Variants in STAU1 observed in about 807,000 individuals in gnomAD.
STAU1 encodes the protein double-stranded RNA-binding protein Staufen homolog 1.
STAU1 carries 13 observed loss-of-function variants against 62.9 expected under a neutral mutation model. That is an observed-to-expected ratio of 0.21 (90% CI 0.13 to 0.33). The LOEUF (loss-of-function observed/expected upper bound fraction) is 0.33. Among genes scored for constraint, STAU1 ranks in the 10% least tolerant of loss-of-function variants. The pLI, the probability that STAU1 is intolerant of heterozygous loss-of-function variation, is 1.00. For missense variants in STAU1, 571 were observed against 712.1 expected, an observed-to-expected ratio of 0.80 and a Z score of 2.25; for synonymous variants, 269 against 265.1, an observed-to-expected ratio of 1.01 and a Z score of -0.14.
chr20:49,154,121 TACTC>T (rs752768836), intron 3 of STAU1, 50 bp from the exon 4 acceptor site: 288 of 1,537,486 alleles, frequency 1.9e-4, no homozygotes, highest in Non-Finnish European at 2.3e-4. Context: ...ATGAGAATGA[TACTC>T]ACTAAAATAA....
intron 1 of STAU1, among the ~76,000 whole-genome samples, chr20:49,181,075 A>G (rs1406389559): frequency 6.6e-6 from 1 of 152,220 alleles, no homozygotes; most frequent in African/African-American, 2.4e-5. Flanking sequence ...TCGGAAGCGC[A>G]TCAGCATCCT....
At chr20:49,142,173 G>C (rs1029007470) in intron 5 of STAU1, among the ~76,000 whole-genome samples, 1 of 152,024 alleles carries the variant, frequency 6.6e-6, no homozygotes, top group African/African-American at 2.4e-5. Flanking sequence ...TGCAACCTCC[G>C]CCTCCTGGGT....
At chr20:49,182,887 G>A (rs981940311) in intron 1 of STAU1, among the ~76,000 whole-genome samples, 6 of 151,776 alleles carry the variant, frequency 4.0e-5, no homozygotes, top group African/African-American at 9.7e-5. Context: ...ATGAAACAGG[G>A]AGGCAAAAAT....
At position 49,117,038 on chromosome 20, in the gene STAU1, A is replaced by C. The variant is rs1003758150; in HGVS notation, c.1632+88T>G. Reference sequence around the variant, plus strand: ...AGGTCTATGGGACAATCTTTCTCCCATCTTCCTCAGGCTAGTAACAAGCTG... The same window carrying C: ...AGGTCTATGGGACAATCTTTCTCCCCTCTTCCTCAGGCTAGTAACAAGCTG... On this transcript the variant is annotated intron_variant, in intron 12 of 13. Coordinates refer to ENST00000371856, the MANE Select transcript of STAU1 (RefSeq NM_017453.4). This position sits in a 1 kb window ranked among gnomAD's most constrained non-coding sequence, Gnocchi z 4.6. 1.3e-6 allele frequency: 2 copies of C among 1,529,970 alleles called. No individual in the cohort carries two copies. Among genetic ancestry groups the C allele is most frequent in the Admixed American group, 1.9e-5 (1 of 52,194 alleles). 94.8% of individuals were successfully genotyped at this position (1,529,970 alleles called of 1,614,324 possible). A position where few individuals can be genotyped will look rare whatever the true frequency, so the allele number is the denominator to read the frequency against.
chr20:49,144,362 T>C (rs145014938), intron 5 of STAU1, among the ~76,000 whole-genome samples: 8 of 152,284 alleles, frequency 5.3e-5, no homozygotes, highest in African/African-American at 1.9e-4. Context: ...GTCCTTTCTG[T>C]TGAATGACTA....
intron 9 of STAU1, among the ~76,000 whole-genome samples, 163 bp from the exon 10 acceptor site, chr20:49,118,571 G>A (rs2092387496): frequency 6.6e-6 from 1 of 152,136 alleles, no homozygotes; most frequent in Non-Finnish European, 1.5e-5. Context: ...ACAGACACCT[G>A]GGCAGAGCCT....
At chr20:49,192,899 A>C (rs2093833013), upstream of STAU1, among the ~76,000 whole-genome samples, 1 of 152,218 alleles carries the variant, frequency 6.6e-6, no homozygotes, top group African/African-American at 2.4e-5. Flanking sequence ...AGTCTTATGG[A>C]AAAATTAATA....
At chr20:49,151,804 C>CT in intron 4 of STAU1, 57 bp from the exon 5 acceptor site, 1 of 1,466,882 alleles carries the variant, frequency 6.8e-7, no homozygotes, top group Non-Finnish European at 9.2e-7. Flanking sequence ...GTCACCTATA[C>CT]ACTCTCTGGC....
the STAU1 span, among the ~76,000 whole-genome samples, chr20:49,196,809 C>G: frequency 6.7e-6 from 1 of 149,326 alleles, no homozygotes; most frequent in Non-Finnish European, 1.5e-5. Context: ...GAAACAGCAA[C>G]GTGAATTCAA....
At chr20:49,148,297 A>G (rs1455461289) in intron 5 of STAU1, among the ~76,000 whole-genome samples, 1 of 152,216 alleles carries the variant, frequency 6.6e-6, no homozygotes, top group Non-Finnish European at 1.5e-5. Flanking sequence ...CAGTCAAAAC[A>G]GTTTATTCAA....
At chr20:49,214,144 A>G in the STAU1 span, among the ~76,000 whole-genome samples, 2 of 152,174 alleles carry the variant, frequency 1.3e-5, no homozygotes, top group Non-Finnish European at 1.5e-5. Context: ...CCCAGGAGGC[A>G]GAGGTTGCAA....
intron 1 of STAU1, among the ~76,000 whole-genome samples, chr20:49,187,135 A>C (rs2093797803): frequency 6.6e-6 from 1 of 152,214 alleles, no homozygotes; most frequent in Non-Finnish European, 1.5e-5. Flanking sequence ...CAAGTGCTCT[A>C]GATAGGTTTG....
At chr20:49,198,613 T>G in the STAU1 span, among the ~76,000 whole-genome samples, 1 of 151,892 alleles carries the variant, frequency 6.6e-6, no homozygotes, top group African/African-American at 2.4e-5. Flanking sequence ...ACAGATCACT[T>G]GAGGTCACTA....
At chr20:49,159,009 ACT>A (rs1441669454) in intron 3 of STAU1, 1 of 1,291,102 alleles carries the variant, frequency 7.7e-7, no homozygotes, top group Non-Finnish European at 1.0e-6. Context: ...CCATCAGGCT[ACT>A]CATTTAAGTA....
chr20:49,165,140 G>A (rs1326732006), intron 3 of STAU1, among the ~76,000 whole-genome samples: 1 of 152,042 alleles, frequency 6.6e-6, no homozygotes, highest in African/African-American at 2.4e-5. Context: ...TGCCTCCTGG[G>A]TTCAAGTGAT....
intron 2 of STAU1, among the ~76,000 whole-genome samples, chr20:49,167,891 T>C (rs1489266668): frequency 6.6e-6 from 1 of 152,112 alleles, no homozygotes; most frequent in Non-Finnish European, 1.5e-5. Context: ...AAAAATGAGC[T>C]AGGAGTAAAG....
At chr20:49,209,154 C>G in the STAU1 span, among the ~76,000 whole-genome samples, 1 of 151,114 alleles carries the variant, frequency 6.6e-6, no homozygotes. Context: ...AGAGTGGTGT[C>G]GAACTCCTTG....
chr20:49,144,713 C>T (rs2093087237), intron 5 of STAU1, among the ~76,000 whole-genome samples: 1 of 152,058 alleles, frequency 6.6e-6, no homozygotes, highest in African/African-American at 2.4e-5. Flanking sequence ...TTTTTTTAAC[C>T]TCTTGGAAGA....
At chr20:49,158,619 G>C in intron 3 of STAU1, 1 of 735,578 alleles carries the variant, frequency 1.4e-6, no homozygotes, top group Non-Finnish European at 2.0e-6. Context: ...AGACCAGCCT[G>C]GCCTACATAG....
Sources: gnomAD v4.1 joint callset for allele counts (sites outside exome capture counted in the v4.1 genomes callset) on GRCh38, gnomAD v4.1.1 for gene constraint, Gnocchi (gnomAD v3.1) non-coding constraint, MANE v1.5 for transcripts, NCBI Gene and HGNC (gene_info 2026-07-23, HGNC 2026-07-21) for gene names.